Variants in UTP20 observed in about 807,000 individuals in gnomAD.
The protein encoded by UTP20 is UTP20 small subunit processome component, also known as small subunit processome component 20 homolog.
Under a neutral mutation model 329.5 loss-of-function variants are expected in UTP20, and 164 were observed. That is an observed-to-expected ratio of 0.50 (90% CI 0.44 to 0.57). The LOEUF (loss-of-function observed/expected upper bound fraction) is 0.57. Among genes scored for constraint, UTP20 ranks in the 20% least tolerant of loss-of-function variants. The pLI, the probability that UTP20 is intolerant of heterozygous loss-of-function variation, is 0.00. For missense variants in UTP20, 3,055 were observed against 3,284.2 expected, an observed-to-expected ratio of 0.93 and a Z score of 1.71; for synonymous variants, 1,151 against 1,159.3, an observed-to-expected ratio of 0.99 and a Z score of 0.14.
chr12:101,373,248 A>G (rs1489252900), intron 52 of UTP20, among the ~76,000 whole-genome samples, 153 bp from the exon 53 acceptor site: 2 of 152,212 alleles, frequency 1.3e-5, no homozygotes, highest in Non-Finnish European at 2.9e-5. Context: ...TGATAGCTTA[A>G]TGGATACATA....
chr12:101,296,888 C>G (rs1425448658), intron 12 of UTP20, among the ~76,000 whole-genome samples: 1 of 152,210 alleles, frequency 6.6e-6, no homozygotes, highest in South Asian at 2.1e-4. Context: ...TATTTACATA[C>G]ATGAGAAGAT....
At chr12:101,374,127 T>C (rs375707760) in intron 54 of UTP20, among the ~76,000 whole-genome samples, 34 of 149,022 alleles carry the variant, frequency 2.3e-4, no homozygotes, top group Middle Eastern at 3.4e-3. Context: ...CCCAGCTACT[T>C]GGGAGGCTGA....
intron 25 of UTP20, 99 bp downstream of exon 25, chr12:101,321,728 T>A: frequency 2.1e-6 from 3 of 1,398,096 alleles, no homozygotes; most frequent in Non-Finnish European, 1.9e-6. Context: ...ATAGAATATT[T>A]CATTTTCTAT....
chr12:101,310,024 A>G (rs191995718), intron 19 of UTP20, among the ~76,000 whole-genome samples, 185 bp downstream of exon 19: 59 of 152,292 alleles, frequency 3.9e-4, no homozygotes, highest in East Asian at 2.1e-3. Flanking sequence ...CTGATGCCAC[A>G]TCTTCAGTAG....
chr12:101,311,659 TGAGCA>T, intron 19 of UTP20, 55 bp from the exon 20 acceptor site: 1 of 1,406,938 alleles, frequency 7.1e-7, no homozygotes, highest in Non-Finnish European at 9.7e-7. Context: ...TTTTTTTCTA[TGAGCA>T]ATCTTAAAAT....
In UTP20 at chr12:101,333,325, T is replaced by C. The variant is rs140669916; in HGVS notation, c.3442T>C (p.Leu1148=). 154 of 1,613,714 alleles carry C rather than the reference T, an allele frequency of 9.5e-5. No homozygotes were observed. The highest frequency in any genetic ancestry group is 2.4e-5 in the Non-Finnish European group (28 of 1,179,872). ...GATACAGCTGAGATTTATTAATCCA[T>C]TGAAAAATTTAAGACGTCTTGGAAT... ...EKIQLRFINP[L]KNLRRLGIKM... The change falls in exon 28 of 62, where the codon TTG becomes CTG. Residue 1148 remains leucine (L), a synonymous_variant. Coordinates refer to ENST00000261637, the MANE Select transcript of UTP20 (RefSeq NM_014503.3).
At chr12:101,346,153 G>A (rs1226986692) in intron 37 of UTP20, among the ~76,000 whole-genome samples, 1 of 152,068 alleles carries the variant, frequency 6.6e-6, no homozygotes, top group Non-Finnish European at 1.5e-5. Flanking sequence ...CAGGGTTCAA[G>A]TGATTCTCCT....
At chr12:101,281,054 A>G in intron 1 of UTP20, 62 bp from the exon 2 acceptor site, 2 of 1,367,998 alleles carry the variant, frequency 1.5e-6, no homozygotes, top group Non-Finnish European at 2.0e-6. Context: ...GCATTCAAAT[A>G]GATATTAAAG....
At position 101,329,370 on chromosome 12, in the gene UTP20, G is replaced by T; in HGVS notation, c.3338G>T (p.Ser1113Ile). The T allele has an allele frequency of 6.2e-7, 1 of 1,614,030 alleles. No homozygotes were observed. ...IVLKNISHLISAYLPKILQIL... is the reference protein window; with the variant it reads ...IVLKNISHLIIAYLPKILQIL... ...TTGAAAAACATTAGTCATCTGATCA[G>T]CGCATACCTGCCGAAGATTTTGCAG... Residue 1113 changes from serine to isoleucine, a missense_variant, in exon 27 of 62, where the codon AGC (serine) becomes ATC (isoleucine). Ser to Ile is a moderately radical substitution (Grantham distance 142). Transcript: ENST00000261637.
At chr12:101,376,740 T>G (rs1180041104) in intron 56 of UTP20, among the ~76,000 whole-genome samples, 1 of 152,088 alleles carries the variant, frequency 6.6e-6, no homozygotes, top group African/African-American at 2.4e-5. Flanking sequence ...TCCTCCGCCT[T>G]CCGGATTCAA....
rs1330692306 is a variant in UTP20, at chr12:101,310,595, A to AAAAAAAG, written c.2231+759_2231+760insAAAGAAA. Among the ~76,000 whole-genome samples the AAAAAAAG allele has an allele frequency of 7.3e-4, 89 of 121,708 alleles. 6 individuals are homozygous for AAAAAAAG. The highest frequency in any genetic ancestry group is 1.4e-3 in the East Asian group (7 of 4,950). 79.8% of individuals were successfully genotyped at this position (121,708 alleles called of 152,430 possible). A position where few individuals can be genotyped will look rare whatever the true frequency, so the allele number is the denominator to read the frequency against. ...TGTCTCCCAAAAAAAAAAAAAAAAA[A>AAAAAAAG]AAATACATGTTATGGCTCATGTGTA... On this transcript the variant is annotated intron_variant, in intron 19 of 61. Coordinates refer to ENST00000261637, the MANE Select transcript of UTP20 (RefSeq NM_014503.3).
chr12:101,291,783 CTG>C lies in UTP20; in HGVS notation c.935_936del (p.Cys312LeufsTer2). 1 of 1,605,154 alleles carries C rather than the reference CTG, an allele frequency of 6.2e-7. No individual in the cohort carries two copies. The highest frequency in any genetic ancestry group is 2.2e-5 in the East Asian group (1 of 44,774). On this transcript the variant is annotated frameshift_variant, in exon 9 of 62. Transcript: ENST00000261637. LOFTEE classifies it high-confidence loss of function. The part of the protein sequence containing the change: ...DLHTKVTKTN[C>X]CESSEQIKRL... The stretch of plus-strand genomic sequence containing the variant: ...TACACACAAAAGTAACAAAAACTAA[CTG>C]TTGTGAAAGTTCTGAACAGATTAAA...
chr12:101,299,698 A>C lies in UTP20; in HGVS notation c.1447A>C (p.Lys483Gln). Residue 483 changes from lysine (K) to glutamine (Q), a missense_variant, in exon 13 of 62, where the codon AAG (lysine) becomes CAG (glutamine). Physicochemically the swap from Lys to Gln is moderately conservative, Grantham distance 53 (BLOSUM62 1). Around this residue, in one of 3 missense-constraint regions of UTP20, gnomAD observed 2,445 missense variants for 2,575.5 expected, o/e 0.95. Transcript: ENST00000261637. ...PQMVGFYIKQ[K>Q]KTRSKGRNEQ... ...ATCCTTCAGATTCTATATAAAGCAGAAGAAGACTAGATCCAAGGGAAGAAA... is the reference window on the plus strand; with the variant it reads ...ATCCTTCAGATTCTATATAAAGCAGCAGAAGACTAGATCCAAGGGAAGAAA... The C allele has an allele frequency of 6.3e-7, 1 of 1,592,860 alleles. No individual in the cohort carries two copies. Among genetic ancestry groups the C allele is most frequent in the Non-Finnish European group, 8.5e-7 (1 of 1,174,172 alleles).
At chr12:101,308,018 A>AT (rs1872684696) in intron 17 of UTP20, among the ~76,000 whole-genome samples, 167 bp from the exon 18 acceptor site, 1 of 152,212 alleles carries the variant, frequency 6.6e-6, no homozygotes, top group Non-Finnish European at 1.5e-5. Flanking sequence ...AGTAAATGGT[A>AT]TGGGGAGAAA....
chr12:101,280,429 T>A (rs1871757013), intron 1 of UTP20, 102 bp downstream of exon 1: 30 of 1,412,382 alleles, frequency 2.1e-5, no homozygotes, highest in Non-Finnish European at 2.9e-5. Flanking sequence ...CTGGGCCGAG[T>A]GTGTCACTTT....
At chr12:101,382,888 C>A (rs1220230929) in intron 58 of UTP20, among the ~76,000 whole-genome samples, 153 bp from the exon 59 acceptor site, 8 of 151,306 alleles carry the variant, frequency 5.3e-5, no homozygotes, top group African/African-American at 1.9e-4. Context: ...AAAAATGGAG[C>A]CTTCATCATT....
chr12:101,361,272 G>A (rs573379654), intron 43 of UTP20, among the ~76,000 whole-genome samples: 1 of 152,154 alleles, frequency 6.6e-6, no homozygotes, highest in African/African-American at 2.4e-5. Context: ...TACAAGCTTT[G>A]ATTACATTCA....
At chr12:101,335,600 G>T in intron 29 of UTP20, among the ~76,000 whole-genome samples, 1 of 152,252 alleles carries the variant, frequency 6.6e-6, no homozygotes, top group East Asian at 1.9e-4. Context: ...CCATCTAAAT[G>T]TACATTCAGC....
chr12:101,317,102 A>G (rs1872994701), intron 21 of UTP20, among the ~76,000 whole-genome samples: 2 of 152,218 alleles, frequency 1.3e-5, no homozygotes, highest in Admixed American at 6.5e-5. Flanking sequence ...TATCTGATGG[A>G]AAGTGACCAG....
Sources: gnomAD v4.1 joint callset for allele counts (sites outside exome capture counted in the v4.1 genomes callset) on GRCh38, gnomAD v4.1.1 for gene constraint, gnomAD v4.1.1 regional missense constraint, MANE v1.5 for transcripts, NCBI Gene and HGNC (gene_info 2026-07-23, HGNC 2026-07-21) for gene names.